Variants in CHL1 observed in about 807,000 individuals in gnomAD.
CHL1 encodes cell adhesion molecule L1 like.
CHL1 carries 96 observed loss-of-function variants against 141.9 expected under a neutral mutation model. The ratio of observed to expected loss-of-function variants is 0.68; its 90% CI spans 0.57 to 0.80. The LOEUF is 0.80. Among genes scored for constraint, CHL1 ranks in the 30% least tolerant of loss-of-function variants. The probability of loss-of-function intolerance (pLI) is 0.00; values close to 1 mark genes in which losing one functional copy is unlikely to be tolerated. For missense variants in CHL1, 1,820 were observed against 1,457.2 expected, an observed-to-expected ratio of 1.25 and a Z score of -4.05; for synonymous variants, 613 against 502.2, an observed-to-expected ratio of 1.22 and a Z score of -2.95.
rs1707332786 is a variant in CHL1 at position 383,694 on chromosome 3, T to C, written c.2177-122T>C. On this transcript the variant is annotated intron_variant, in intron 18 of 27. Coordinates refer to ENST00000256509, the MANE Select transcript of CHL1 (RefSeq NM_006614.4). ...ATCTTTTTAGGAACTGGACCAGATA[T>C]AAATTAATAAGTACAATCAAACTTA... 4 of 585,936 alleles carry C rather than the reference T, an allele frequency of 6.8e-6. No homozygotes were observed. The South Asian group carries it at 9.0e-5, about 13-fold the overall frequency. The allele number at this position is 585,936 out of a possible 1,614,324, so 36.3% of individuals were successfully genotyped here.
intron 15 of CHL1, 97 bp from the exon 16 acceptor site, chr3:377,721 A>C (rs1706512421): frequency 2.8e-6 from 3 of 1,059,330 alleles, no homozygotes; most frequent in Non-Finnish European, 4.1e-6. Flanking sequence ...TCACTCTTAG[A>C]TTGTTTTCGA....
Position 353,373 on chromosome 3 carries a change from A to G in CHL1, c.1034-1267A>G, listed in dbSNP as rs1343314854. On this transcript the variant is annotated intron_variant, in intron 10 of 27. Coordinates refer to ENST00000256509, the MANE Select transcript of CHL1 (RefSeq NM_006614.4). The stretch of plus-strand genomic sequence containing the variant: ...TAACCAGAAAAAAAGTAAGGATATC[A>G]TTAAAAAAATGCAAAATAGACAAAA... Among the ~76,000 whole-genome samples the G allele has an allele frequency of 2.6e-5, 4 of 152,330 alleles. No homozygotes were observed. In the East Asian group the frequency reaches 5.8e-4, roughly 22 times the overall value.
At position 394,961 on chromosome 3, in the gene CHL1, C is replaced by T. The variant is rs1708550088; in HGVS notation, c.3094+89C>T. 4.7e-6 allele frequency: 5 copies of T among 1,071,648 alleles called. No homozygotes were observed. In the South Asian group the frequency reaches 5.7e-5, roughly 12 times the overall value. 66.4% of individuals were successfully genotyped at this position (1,071,648 alleles called of 1,614,324 possible). A position where few individuals can be genotyped will look rare whatever the true frequency, so the allele number is the denominator to read the frequency against. On this transcript the variant is annotated intron_variant, in intron 24 of 27. Coordinates refer to ENST00000256509, the MANE Select transcript of CHL1 (RefSeq NM_006614.4). Reference sequence around the variant, plus strand: ...GCTGCACTGAAAGGAAAGCACCGTGCCAGTCATTGTAAATTAGAAATGATT... The same window carrying T: ...GCTGCACTGAAAGGAAAGCACCGTGTCAGTCATTGTAAATTAGAAATGATT...
intron 1 of CHL1, among the ~76,000 whole-genome samples, chr3:226,189 T>G (rs974008934): frequency 6.7e-6 from 1 of 149,438 alleles, no homozygotes; most frequent in African/African-American, 2.4e-5. Context: ...CCCAGCTAAT[T>G]TTTTATATTT....
intron 2 of CHL1, among the ~76,000 whole-genome samples, chr3:299,274 T>C (rs1189867244): frequency 4.6e-5 from 7 of 152,168 alleles, no homozygotes; most frequent in Non-Finnish European, 4.4e-5. Flanking sequence ...TTCATCAATA[T>C]ACAAATTAAA....
chr3:288,362 T>G (rs2125327637), intron 2 of CHL1, among the ~76,000 whole-genome samples: 1 of 152,174 alleles, frequency 6.6e-6, no homozygotes, highest in African/African-American at 2.4e-5. Flanking sequence ...AGGCATAATT[T>G]ACATATATGC....
chr3:369,909 T>C (rs1705406042), intron 15 of CHL1, among the ~76,000 whole-genome samples: 1 of 152,256 alleles, frequency 6.6e-6, no homozygotes, highest in South Asian at 2.1e-4. Flanking sequence ...TTTATTGATC[T>C]GAATATGTTG....
chr3:230,299 A>G (rs780417698), intron 1 of CHL1, among the ~76,000 whole-genome samples: 1 of 152,218 alleles, frequency 6.6e-6, no homozygotes, highest in Non-Finnish European at 1.5e-5. Flanking sequence ...TGTCATTCAC[A>G]TTAAACAGGA....
At chr3:391,213 T>G in intron 22 of CHL1, 54 bp downstream of exon 22, 1 of 1,372,790 alleles carries the variant, frequency 7.3e-7, no homozygotes, top group Non-Finnish European at 1.0e-6. Flanking sequence ...TCCATGGCCA[T>G]ATTAAACATT....
In CHL1 at chr3:349,348, A is replaced by G. The variant is rs953797696; in HGVS notation, c.849-11A>G. 6 of 1,605,116 alleles carry G rather than the reference A, an allele frequency of 3.7e-6. No homozygotes were observed. Among genetic ancestry groups the G allele is most frequent in the Non-Finnish European group, 5.1e-6 (6 of 1,176,364 alleles). ...TAAAAAAATGTTTATTTATTTAACT[A>G]TTTTTTGCAGGCCAACTCCACAGGT... On this transcript the variant is annotated splice_polypyrimidine_tract_variant and intron_variant, in intron 9 of 27. Transcript: ENST00000256509.
At chr3:389,585 A>C in intron 20 of CHL1, 111 bp downstream of exon 20, 8 of 791,490 alleles carry the variant, frequency 1.0e-5, no homozygotes, top group Non-Finnish European at 1.2e-5. Flanking sequence ...AAGAGGATGT[A>C]CTAGCCGTGG....
chr3:228,231 A>C (rs1701535257), intron 1 of CHL1, among the ~76,000 whole-genome samples: 1 of 152,226 alleles, frequency 6.6e-6, no homozygotes, highest in Non-Finnish European at 1.5e-5. Flanking sequence ...ATGAAAACAC[A>C]GGGGAATGTT....
Position 405,732 on chromosome 3 carries a change from G to C in CHL1, c.*21G>C. On this transcript the variant is annotated 3_prime_UTR_variant, in exon 28 of 28. Transcript: ENST00000256509. ...CATAAACACAACATATGTAAGCAAC[G>C]CTACTGGTTCACCCCAACCTTCCAT... 1 of 1,562,686 alleles carries C rather than the reference G, an allele frequency of 6.4e-7. No individual in the cohort carries two copies. The highest frequency in any genetic ancestry group is 8.8e-7 in the Non-Finnish European group (1 of 1,133,986).
chr3:325,912 C>T (rs748494017), intron 3 of CHL1, 47 bp from the exon 4 acceptor site: 1 of 1,291,220 alleles, frequency 7.7e-7, no homozygotes, highest in East Asian at 2.3e-5. Flanking sequence ...ATTAACCTTG[C>T]CTGCTGTTTG....
intron 11 of CHL1, among the ~76,000 whole-genome samples, chr3:357,384 C>T (rs999415958): frequency 3.3e-5 from 5 of 152,198 alleles, no homozygotes; most frequent in Non-Finnish European, 5.9e-5. Context: ...TATTGATTAT[C>T]GGACTAACCC....
chr3:264,153 T>A (rs1357993921), intron 2 of CHL1, among the ~76,000 whole-genome samples: 1 of 152,244 alleles, frequency 6.6e-6, no homozygotes, highest in Non-Finnish European at 1.5e-5. Context: ...AGTCTTTTTA[T>A]GTACTCTATT....
intron 2 of CHL1, among the ~76,000 whole-genome samples, chr3:290,240 C>T (rs1009354751): frequency 1.3e-5 from 2 of 152,098 alleles, no homozygotes; most frequent in Admixed American, 6.5e-5. Context: ...AGAACTGAAA[C>T]ATGAAGGCAG....
chr3:291,824 A>G (rs1370292323), intron 2 of CHL1, among the ~76,000 whole-genome samples: 1 of 152,178 alleles, frequency 6.6e-6, no homozygotes, highest in African/African-American at 2.4e-5. Flanking sequence ...CTTGGCTAAC[A>G]TATGTCTGCA....
At chr3:237,468 G>A (rs1293230099) in intron 1 of CHL1, among the ~76,000 whole-genome samples, 1 of 152,204 alleles carries the variant, frequency 6.6e-6, no homozygotes, top group South Asian at 2.1e-4. Flanking sequence ...CCTTTAGACA[G>A]TTGAATATAG....
Sources: gnomAD v4.1 joint callset for allele counts (sites outside exome capture counted in the v4.1 genomes callset) on GRCh38, gnomAD v4.1.1 for gene constraint, MANE v1.5 for transcripts, NCBI Gene and HGNC (gene_info 2026-07-23, HGNC 2026-07-21) for gene names.